The following KLHL32 variants were observed in gnomAD, a reference collection of about 807,000 sequenced individuals.
The protein encoded by KLHL32 is kelch like family member 32, also known as kelch-like protein 32.
Under a neutral mutation model 64.8 loss-of-function variants are expected in KLHL32, and 35 were observed. The ratio of observed to expected loss-of-function variants is 0.54; its 90% CI spans 0.41 to 0.72. The LOEUF (loss-of-function observed/expected upper bound fraction) is 0.72. Among genes scored for constraint, KLHL32 ranks in the 30% least tolerant of loss-of-function variants. KLHL32 has a pLI of 0.00. For synonymous variants in KLHL32, 259 were observed against 281.0 expected (o/e 0.92, Z 0.78); for missense variants, 589 against 768.5 (o/e 0.77, Z 2.76).
chr6:97,119,721 A>G (rs1282652540), intron 7 of KLHL32, among the ~76,000 whole-genome samples: 2 of 152,224 alleles, frequency 1.3e-5, no homozygotes, highest in Non-Finnish European at 2.9e-5. Context: ...TTATCAGACA[A>G]CTTTCCAATT....
At chr6:97,072,990 G>A (rs1790990218) in intron 5 of KLHL32, among the ~76,000 whole-genome samples, 1 of 152,102 alleles carries the variant, frequency 6.6e-6, no homozygotes. Flanking sequence ...CTACCTTTTA[G>A]GGATGTTGAA....
chr6:97,073,569 C>T (rs1189242032), intron 5 of KLHL32, among the ~76,000 whole-genome samples: 1 of 152,106 alleles, frequency 6.6e-6, no homozygotes, highest in Non-Finnish European at 1.5e-5. Context: ...AAAAGTCTTT[C>T]ATCTCTAGTT....
intron 1 of KLHL32, among the ~76,000 whole-genome samples, chr6:96,943,069 ACT>A (rs1771515608): frequency 6.9e-6 from 1 of 144,502 alleles, no homozygotes; most frequent in Non-Finnish European, 1.5e-5. Context: ...ACACACACAC[ACT>A]CTGTACATAC....
At chr6:97,132,618 T>C in intron 9 of KLHL32, 35 bp from the exon 10 acceptor site, 4 of 1,476,732 alleles carry the variant, frequency 2.7e-6, no homozygotes, top group Non-Finnish European at 3.8e-6. Flanking sequence ...AAGAAATGGA[T>C]TTTTTTTCTT....
intron 5 of KLHL32, among the ~76,000 whole-genome samples, chr6:97,065,306 A>G (rs1789565607): frequency 6.6e-6 from 1 of 152,226 alleles, no homozygotes; most frequent in Non-Finnish European, 1.5e-5. Flanking sequence ...GTGTGTTCAC[A>G]GTTGTTTCAC....
At chr6:97,089,736 C>A (rs112560296) in intron 6 of KLHL32, among the ~76,000 whole-genome samples, 3 of 149,770 alleles carry the variant, frequency 2.0e-5, no homozygotes, top group Middle Eastern at 7.0e-3. Context: ...GTGGAGATTG[C>A]GCCACTACAC....
intron 7 of KLHL32, among the ~76,000 whole-genome samples, chr6:97,117,963 G>A (rs1197659713): frequency 6.6e-6 from 1 of 152,124 alleles, no homozygotes; most frequent in African/African-American, 2.4e-5. Context: ...GTGCTTTCTT[G>A]ATTCTCTTGG....
At chr6:97,133,863 T>C (rs1799699191) in intron 10 of KLHL32, among the ~76,000 whole-genome samples, 1 of 152,210 alleles carries the variant, frequency 6.6e-6, no homozygotes, top group Non-Finnish European at 1.5e-5. Flanking sequence ...TTGGAAAGAC[T>C]GTATTTTTCT....
chr6:97,107,374 G>A (rs1047618598), intron 6 of KLHL32, among the ~76,000 whole-genome samples: 1 of 152,054 alleles, frequency 6.6e-6, no homozygotes, highest in African/African-American at 2.4e-5. Flanking sequence ...AAAAATAATG[G>A]CAAGTAGATA....
chr6:97,072,120 A>G (rs1790839104), intron 5 of KLHL32, among the ~76,000 whole-genome samples: 1 of 152,164 alleles, frequency 6.6e-6, no homozygotes, highest in Non-Finnish European at 1.5e-5. Context: ...AACCCAAGCC[A>G]GAAAACCAGG....
chr6:97,018,014 C>G (rs964596565), intron 3 of KLHL32, among the ~76,000 whole-genome samples: 1 of 152,104 alleles, frequency 6.6e-6, no homozygotes, highest in East Asian at 1.9e-4. Flanking sequence ...ATAAAACTGC[C>G]TAAGATTTTA....
intron 3 of KLHL32, among the ~76,000 whole-genome samples, chr6:97,003,632 A>C (rs978752738): frequency 6.6e-6 from 1 of 152,084 alleles, no homozygotes; most frequent in Non-Finnish European, 1.5e-5. Context: ...TAGGTTTTGC[A>C]TTTAGCTTTA....
chr6:97,027,110 C>T (rs1402111360), intron 3 of KLHL32, among the ~76,000 whole-genome samples: 3 of 148,826 alleles, frequency 2.0e-5, no homozygotes, highest in South Asian at 2.1e-4. Flanking sequence ...TGCAGTGAGC[C>T]GAGATTGCGC....
chr6:96,977,046 A>G (rs1416209277), intron 3 of KLHL32, among the ~76,000 whole-genome samples: 5 of 152,224 alleles, frequency 3.3e-5, no homozygotes, highest in African/African-American at 7.2e-5. Flanking sequence ...ACAGCAAATT[A>G]CATGTGGTAA....
chr6:96,911,548 G>A, the KLHL32 span, among the ~76,000 whole-genome samples: 1 of 151,888 alleles, frequency 6.6e-6, no homozygotes, highest in Non-Finnish European at 1.5e-5. Context: ...CTTCTACCCC[G>A]AATCTCTTCC....
At chr6:96,962,679 A>G (rs1412158591) in intron 1 of KLHL32, among the ~76,000 whole-genome samples, 1 of 151,976 alleles carries the variant, frequency 6.6e-6, no homozygotes, top group African/African-American at 2.4e-5. Context: ...ACACACAATG[A>G]TGTTTACTGA....
chr6:96,946,835 G>GA (rs899603894), intron 1 of KLHL32, among the ~76,000 whole-genome samples: 3 of 151,888 alleles, frequency 2.0e-5, no homozygotes, highest in Non-Finnish European at 4.4e-5. Context: ...TACTTAGGGG[G>GA]AAAAAAGTGT....
At chr6:96,971,903 A>T (rs1376895236) in intron 2 of KLHL32, among the ~76,000 whole-genome samples, 3 of 152,118 alleles carry the variant, frequency 2.0e-5, no homozygotes, top group Non-Finnish European at 4.4e-5. Flanking sequence ...CCCAGGCTGG[A>T]GTGCAGTGGC....
rs554906049 is a variant in KLHL32, at chr6:97,066,706, A to G, written c.411+1980A>G. Among the ~76,000 whole-genome samples, 16 of 152,296 alleles carry G rather than the reference A, an allele frequency of 1.1e-4. No homozygotes were observed. The East Asian group carries it at 1.3e-3, about 13-fold the overall frequency. ...CCTTCCTTATTTCAGCCTTTAAAAA[A>G]TATATATACCCTGCTTCTCTCTTAG... On this transcript the variant is annotated intron_variant, in intron 5 of 10. Coordinates refer to ENST00000369261, the MANE Select transcript of KLHL32 (RefSeq NM_052904.4).
Sources: allele counts gnomAD v4.1 joint callset (sites outside exome capture counted in the v4.1 genomes callset), GRCh38; gene constraint gnomAD v4.1.1; transcripts MANE v1.5; gene names NCBI Gene and HGNC (gene_info 2026-07-23, HGNC 2026-07-21).